LURAP1: variants seen among roughly 807,000 people sequenced by gnomAD.
The protein encoded by LURAP1 is NF-kappa-B activator C1orf190.
In LURAP1, 14 loss-of-function variants were observed where a neutral mutation model predicts 19.0. The ratio of observed to expected loss-of-function variants is 0.74; its 90% CI spans 0.49 to 1.15. The LOEUF is 1.15. Among genes scored for constraint, LURAP1 ranks in the 50% most tolerant of loss-of-function variants. The pLI, the probability that LURAP1 is intolerant of heterozygous loss-of-function variation, is 0.00. For synonymous variants in LURAP1, 129 were observed against 131.8 expected, an observed-to-expected ratio of 0.98 and a Z score of 0.14; for missense variants, 273 against 309.1, an observed-to-expected ratio of 0.88 and a Z score of 0.87.
At chr1:46,217,262 G>A (rs1659097794) in intron 1 of LURAP1, among the ~76,000 whole-genome samples, 1 of 152,074 alleles carries the variant, frequency 6.6e-6, no homozygotes, top group African/African-American at 2.4e-5. Flanking sequence ...CTCAGAAGAT[G>A]GAATAGATAG....
Position 46,203,542 on chromosome 1 carries a change from C to A in LURAP1, c.116C>A (p.Thr39Asn). The A allele has an allele frequency of 6.4e-7, 1 of 1,566,632 alleles. No homozygotes were observed. The highest frequency in any genetic ancestry group is 8.6e-7 in the Non-Finnish European group (1 of 1,159,528). ...CTGCGAGGCGAGTGTGAGCTGGGAA[C>A]CTCTGGCGCCCTGCTGCTCCCAGGG... Reference protein sequence around the residue: ...RGLRGECELGTSGALLLPGAS... With the variant: ...RGLRGECELGNSGALLLPGAS... The change falls in exon 1 of 2, where the codon ACC (threonine) becomes AAC (asparagine). Residue 39 changes from threonine (T) to asparagine (N), a missense_variant. Thr to Asn is a moderately conservative substitution (Grantham distance 65). Transcript: ENST00000371980.
At chr1:46,218,720 C>G (rs1659140579) in intron 1 of LURAP1, among the ~76,000 whole-genome samples, 1 of 152,108 alleles carries the variant, frequency 6.6e-6, no homozygotes, top group Non-Finnish European at 1.5e-5. Context: ...TTGAGATTAC[C>G]CTGTAAGTCA....
intron 1 of LURAP1, among the ~76,000 whole-genome samples, chr1:46,215,706 C>T (rs1659042903): frequency 6.6e-6 from 1 of 152,128 alleles, no homozygotes; most frequent in African/African-American, 2.4e-5. Flanking sequence ...TGAGACCAGC[C>T]TGGGCAACAT....
intron 1 of LURAP1, among the ~76,000 whole-genome samples, chr1:46,213,187 C>T (rs1334326433): frequency 6.6e-6 from 1 of 151,190 alleles, no homozygotes; most frequent in Admixed American, 6.6e-5. Flanking sequence ...AGTCATCATA[C>T]GACCAAAACA....
At chr1:46,219,625 G>C in intron 1 of LURAP1, 74 bp from the exon 2 acceptor site, 1 of 1,459,850 alleles carries the variant, frequency 6.9e-7, no homozygotes, top group South Asian at 1.4e-5. Flanking sequence ...TGAACCACAA[G>C]GTAGTGGCCT....
At chr1:46,209,231 T>C (rs1658816718) in intron 1 of LURAP1, among the ~76,000 whole-genome samples, 1 of 151,960 alleles carries the variant, frequency 6.6e-6, no homozygotes, top group African/African-American at 2.4e-5. Context: ...TCCATGTTGG[T>C]CAGGCTGGTC....
intron 1 of LURAP1, among the ~76,000 whole-genome samples, chr1:46,209,616 C>G (rs1307824414): frequency 6.7e-6 from 1 of 149,720 alleles, no homozygotes; most frequent in Non-Finnish European, 1.5e-5. Context: ...CCAATCTCAG[C>G]TCACTGCAGC....
intron 1 of LURAP1, among the ~76,000 whole-genome samples, chr1:46,207,544 CTT>C (rs565434779): frequency 6.8e-6 from 1 of 146,502 alleles, no homozygotes; most frequent in Non-Finnish European, 1.5e-5. Flanking sequence ...TTCTTTCTTT[CTT>C]TTTTTTTTTT....
In LURAP1 at chr1:46,203,355, C is replaced by G; in HGVS notation, c.-72C>G. Reference sequence around the variant, plus strand: ...CACCGGTTTTGCTCCGCTTTAGCAGCGGCGAAGGGAGGACCCCCGGGAGCC... The same window carrying G: ...CACCGGTTTTGCTCCGCTTTAGCAGGGGCGAAGGGAGGACCCCCGGGAGCC... On this transcript the variant is annotated 5_prime_UTR_variant, in exon 1 of 2. Transcript: ENST00000371980. 2.2e-6 allele frequency: 3 copies of G among 1,368,344 alleles called. No homozygotes were observed. The highest frequency in any genetic ancestry group is 2.8e-5 in the East Asian group (1 of 36,038). The allele number at this position is 1,368,344 out of a possible 1,614,324, so 84.8% of individuals were successfully genotyped here.
At chr1:46,213,559 T>A (rs1658970667) in intron 1 of LURAP1, among the ~76,000 whole-genome samples, 1 of 151,654 alleles carries the variant, frequency 6.6e-6, no homozygotes, top group South Asian at 2.1e-4. Flanking sequence ...AGGGACTAAA[T>A]AAAAATACAC....
intron 1 of LURAP1, among the ~76,000 whole-genome samples, chr1:46,204,097 T>C (rs903385288): frequency 4.6e-5 from 7 of 152,202 alleles, no homozygotes; most frequent in African/African-American, 4.8e-5. Flanking sequence ...GCCTATCTGC[T>C]GAAAACTACC....
chr1:46,219,861 C>A lies in LURAP1; in HGVS notation c.361C>A (p.Arg121Ser), dbSNP rs758994261. ...TAGCCTGACAGGCGGGAGCCCAGGCCGCTCAAGGCGAGGCAGCTGGGACAG... is the reference window on the plus strand; with the variant it reads ...TAGCCTGACAGGCGGGAGCCCAGGCAGCTCAAGGCGAGGCAGCTGGGACAG... The part of the protein sequence containing the change: ...QYSLTGGSPG[R>S]SRRGSWDSLP... Residue 121 changes from arginine (R) to serine (S), a missense_variant, in exon 2 of 2, where the codon CGC becomes AGC. Transcript: ENST00000371980. 5.0e-6 allele frequency: 8 copies of A among 1,613,758 alleles called. No individual in the cohort carries two copies. The highest frequency in any genetic ancestry group is 1.1e-5 in the South Asian group (1 of 91,050).
Position 46,220,306 on chromosome 1 carries a change from A to G in LURAP1, c.*86A>G. 1 of 1,391,570 alleles carries G rather than the reference A, an allele frequency of 7.2e-7. No individual in the cohort carries two copies. The highest frequency in any genetic ancestry group is 9.7e-7 in the Non-Finnish European group (1 of 1,030,566). The allele number at this position is 1,391,570 out of a possible 1,614,324, so 86.2% of individuals were successfully genotyped here. A position where few individuals can be genotyped will look rare whatever the true frequency, so the allele number is the denominator to read the frequency against. ...AAAATTGATTCTCCCTCAGTCTGAG[A>G]CTAGGAAGAGGCTGCACTGAAATCA... On this transcript the variant is annotated 3_prime_UTR_variant, in exon 2 of 2. Coordinates refer to ENST00000371980, the MANE Select transcript of LURAP1 (RefSeq NM_001013615.3).
In LURAP1 at chr1:46,203,403, A is replaced by G. The variant is rs201289427; in HGVS notation, c.-24A>G. 5.1e-5 allele frequency: 73 copies of G among 1,437,666 alleles called. No individual in the cohort carries two copies. The African/African-American group carries it at 9.7e-4, about 19-fold the overall frequency. 89.1% of individuals were successfully genotyped at this position (1,437,666 alleles called of 1,614,324 possible). A position where few individuals can be genotyped will look rare whatever the true frequency, so the allele number is the denominator to read the frequency against. The stretch of plus-strand genomic sequence containing the variant: ...GCCGGTCCCCGGCGTCCGGTCGCCC[A>G]GCCCTTTTCAGGCTTGGGCCCGCAT... On this transcript the variant is annotated 5_prime_UTR_variant, in exon 1 of 2. Transcript: ENST00000371980.
At chr1:46,209,119 G>C (rs1658812720) in intron 1 of LURAP1, among the ~76,000 whole-genome samples, 1 of 151,802 alleles carries the variant, frequency 6.6e-6, no homozygotes. Context: ...CCGCCTCCTG[G>C]ATTCAAGCAA....
chr1:46,203,398 C>A lies in LURAP1; in HGVS notation c.-29C>A. 1.4e-6 allele frequency: 2 copies of A among 1,431,336 alleles called. No individual in the cohort carries two copies. Among genetic ancestry groups the A allele is most frequent in the South Asian group, 3.1e-5 (2 of 64,714 alleles). The allele number at this position is 1,431,336 out of a possible 1,614,324, so 88.7% of individuals were successfully genotyped here. ...CGGGAGCCGGTCCCCGGCGTCCGGT[C>A]GCCCAGCCCTTTTCAGGCTTGGGCC... On this transcript the variant is annotated 5_prime_UTR_variant, in exon 1 of 2. Transcript: ENST00000371980.
At chr1:46,205,516 ACGTG>A (rs1023357629) in intron 1 of LURAP1, among the ~76,000 whole-genome samples, 22 of 152,300 alleles carry the variant, frequency 1.4e-4, no homozygotes, top group African/African-American at 5.3e-4. Context: ...TACAGATAAA[ACGTG>A]CTTGCAGATT....
intron 1 of LURAP1, among the ~76,000 whole-genome samples, chr1:46,208,427 T>C (rs1040426862): frequency 1.3e-5 from 2 of 152,216 alleles, no homozygotes; most frequent in African/African-American, 4.8e-5. Flanking sequence ...CAATAAATAT[T>C]GGTTCCATAA....
intron 1 of LURAP1, among the ~76,000 whole-genome samples, 184 bp downstream of exon 1, chr1:46,203,808 C>A (rs1007250506): frequency 1.3e-5 from 2 of 152,058 alleles, no homozygotes; most frequent in Admixed American, 6.6e-5. Flanking sequence ...CATTACTTGT[C>A]CCCCAAGAGT....
Sources: gnomAD v4.1 joint callset for allele counts (sites outside exome capture counted in the v4.1 genomes callset) on GRCh38, gnomAD v4.1.1 for gene constraint, MANE v1.5 for transcripts, NCBI Gene and HGNC (gene_info 2026-07-23, HGNC 2026-07-21) for gene names.